SERGEF: variants seen among roughly 807,000 people sequenced by gnomAD.
SERGEF encodes the protein secretion-regulating guanine nucleotide exchange factor.
In SERGEF, 51 loss-of-function variants were observed where a neutral mutation model predicts 50.0. That is an observed-to-expected ratio of 1.02 (90% CI 0.81 to 1.29). The LOEUF is 1.29. Among genes scored for constraint, SERGEF ranks in the 50% most tolerant of loss-of-function variants. The probability of loss-of-function intolerance (pLI) is 0.00; values close to 1 mark genes in which losing one functional copy is unlikely to be tolerated. For synonymous variants in SERGEF, 205 were observed against 212.4 expected, an observed-to-expected ratio of 0.97 and a Z score of 0.30; for missense variants, 521 against 557.0, an observed-to-expected ratio of 0.94 and a Z score of 0.65.
At chr11:17,818,227 G>A (rs987492711) in intron 10 of SERGEF, among the ~76,000 whole-genome samples, 2 of 152,162 alleles carry the variant, frequency 1.3e-5, no homozygotes, top group African/African-American at 4.8e-5. Flanking sequence ...CAAAGGCTCA[G>A]AGGAACTCAG....
chr11:17,937,193 T>C (rs567154057), intron 9 of SERGEF, among the ~76,000 whole-genome samples: 134 of 152,296 alleles, frequency 8.8e-4, no homozygotes, highest in Admixed American at 1.7e-3. Flanking sequence ...CTATCTATAA[T>C]GTCTCATATT....
intron 8 of SERGEF, among the ~76,000 whole-genome samples, chr11:17,971,525 ATC>A (rs1490822815): frequency 6.6e-6 from 1 of 152,242 alleles, no homozygotes; most frequent in East Asian, 1.9e-4. Flanking sequence ...ATGATAGCAC[ATC>A]TGTTTATAGC....
At chr11:17,988,202 C>G (rs968177817) in intron 8 of SERGEF, among the ~76,000 whole-genome samples, 1 of 152,120 alleles carries the variant, frequency 6.6e-6, no homozygotes, top group South Asian at 2.1e-4. Flanking sequence ...ATGTTCCTAC[C>G]TCAATCTTTA....
chr11:17,841,754 AC>A (rs1290207928), intron 10 of SERGEF, among the ~76,000 whole-genome samples: 1 of 152,140 alleles, frequency 6.6e-6, no homozygotes. Context: ...GCCTGCAAGA[AC>A]CTAATCTCCC....
At chr11:17,795,582 C>T (rs909189031) in intron 10 of SERGEF, among the ~76,000 whole-genome samples, 3 of 152,178 alleles carry the variant, frequency 2.0e-5, no homozygotes, top group Non-Finnish European at 4.4e-5. Flanking sequence ...AGTAGTCTGT[C>T]TCTCATCACC....
intron 10 of SERGEF, among the ~76,000 whole-genome samples, chr11:17,830,645 G>GGAGAGAGAGAGAGAGAGAGA (rs59425606): frequency 5.2e-5 from 1 of 19,382 alleles, no homozygotes; most frequent in Non-Finnish European, 8.5e-5. Flanking sequence ...GGAGGGAGAG[G>GGAGAGAGAGAGAGAGAGAGA]GAGGGAGAGA....
rs542478615 is a variant in SERGEF at position 17,952,889 on chromosome 11, C to G, written c.1011+6581G>C. 2.0e-5 allele frequency among the ~76,000 whole-genome samples: 3 copies of G among 152,294 alleles called. No individual in the cohort carries two copies. In the East Asian group the frequency reaches 5.8e-4, roughly 29 times the overall value. On this transcript the variant is annotated intron_variant, in intron 9 of 10. Coordinates refer to ENST00000265965, the MANE Select transcript of SERGEF (RefSeq NM_012139.4). ...CTTGGCTTCTGTGACTCAGCAGTAC[C>G]TGGCTTCCCTTCTCCCTCTCCTGTC...
At chr11:17,981,825 G>C (rs1313507854) in intron 8 of SERGEF, among the ~76,000 whole-genome samples, 2 of 151,914 alleles carry the variant, frequency 1.3e-5, no homozygotes, top group African/African-American at 4.8e-5. Context: ...CTTTGAGACA[G>C]GGCCTCACTC....
chr11:17,988,739 A>G lies in SERGEF; in HGVS notation c.702T>C (p.Tyr234=). The G allele has an allele frequency of 7.4e-6, 12 of 1,614,030 alleles. No homozygotes were observed. The highest frequency in any genetic ancestry group is 1.0e-5 in the Non-Finnish European group (12 of 1,179,952). ...GCCCATGCTTGTTGCTTCCCCAAAC[A>G]TACACCTCTCCTGCATCTTAAACAA... is the stretch of plus-strand genomic sequence containing the variant. ...SASLTDAGEV[Y]VWGSNKHGQL... Residue 234 remains tyrosine (Y), a synonymous_variant, in exon 8 of 11, where the codon TAT becomes TAC. Coordinates refer to ENST00000265965, the MANE Select transcript of SERGEF (RefSeq NM_012139.4).
chr11:17,864,641 T>C (rs1477608792), intron 10 of SERGEF, among the ~76,000 whole-genome samples: 1 of 152,242 alleles, frequency 6.6e-6, no homozygotes, highest in Non-Finnish European at 1.5e-5. Context: ...AATATATCAG[T>C]TCCAGGGCTG....
chr11:17,966,766 G>A (rs7111411), intron 8 of SERGEF, among the ~76,000 whole-genome samples: 1,908 of 152,126 alleles, frequency 0.013, 37 homozygotes, highest in African/African-American at 0.043. Flanking sequence ...ACAGAAATAA[G>A]ATTTCCAAAT....
intron 8 of SERGEF, among the ~76,000 whole-genome samples, chr11:17,969,751 T>C (rs1337721396): frequency 6.6e-6 from 1 of 152,098 alleles, no homozygotes; most frequent in Non-Finnish European, 1.5e-5. Flanking sequence ...CCTTGGAGGG[T>C]GAGTACCATA....
rs1171591763 is a variant in SERGEF, at chr11:17,793,773, A to C, written c.1049-5360T>G. On this transcript the variant is annotated intron_variant, in intron 10 of 10. Coordinates refer to ENST00000265965, the MANE Select transcript of SERGEF (RefSeq NM_012139.4). ...GGCTGAGACTTGGGTGGAGAGCCCC[A>C]TATTTACAGAGGGATTCCCTAGGCC... 2.0e-5 allele frequency among the ~76,000 whole-genome samples: 3 copies of C among 152,196 alleles called. No homozygotes were observed. In the East Asian group the frequency reaches 5.8e-4, roughly 29 times the overall value.
intron 9 of SERGEF, among the ~76,000 whole-genome samples, chr11:17,937,314 T>C (rs1852470547): frequency 6.6e-6 from 1 of 152,142 alleles, no homozygotes; most frequent in Non-Finnish European, 1.5e-5. Flanking sequence ...GGTGGATCAT[T>C]AGAAGCCAGG....
chr11:17,931,796 G>C (rs1190748546), intron 9 of SERGEF, among the ~76,000 whole-genome samples: 1 of 152,156 alleles, frequency 6.6e-6, no homozygotes, highest in African/African-American at 2.4e-5. Flanking sequence ...GAACTTGTTA[G>C]AAACCAAATT....
At chr11:17,794,527 T>C (rs1849542203) in intron 10 of SERGEF, among the ~76,000 whole-genome samples, 1 of 152,220 alleles carries the variant, frequency 6.6e-6, no homozygotes, top group Non-Finnish European at 1.5e-5. Flanking sequence ...AATCCAGGAC[T>C]CCCAAATCTC....
chr11:17,843,696 T>A (rs575342101), intron 10 of SERGEF, among the ~76,000 whole-genome samples: 1 of 152,262 alleles, frequency 6.6e-6, no homozygotes, highest in South Asian at 2.1e-4. Context: ...TTGCACCCAC[T>A]GTTCACTGAG....
chr11:17,810,880 A>C (rs1849856842), intron 10 of SERGEF, among the ~76,000 whole-genome samples: 1 of 152,068 alleles, frequency 6.6e-6, no homozygotes, highest in Non-Finnish European at 1.5e-5. Flanking sequence ...AGCCAAGCCT[A>C]GCCACCGGAC....
intron 10 of SERGEF, among the ~76,000 whole-genome samples, chr11:17,818,337 T>C (rs1168060729): frequency 1.3e-5 from 2 of 152,190 alleles, no homozygotes; most frequent in East Asian, 3.8e-4. Flanking sequence ...GCAAATATAT[T>C]TTCCTTTTTA....
Sources: gnomAD v4.1 joint callset for allele counts (sites outside exome capture counted in the v4.1 genomes callset) on GRCh38, gnomAD v4.1.1 for gene constraint, MANE v1.5 for transcripts, NCBI Gene and HGNC (gene_info 2026-07-23, HGNC 2026-07-21) for gene names.